The following SPON1 variants were observed in gnomAD, a reference collection of about 807,000 sequenced individuals.
SPON1 encodes the protein spondin-1.
A neutral mutation model predicts 111.7 loss-of-function variants in SPON1; 52 were observed. That is an observed-to-expected ratio of 0.47 (90% CI 0.37 to 0.59). The LOEUF is 0.59. Among genes scored for constraint, SPON1 ranks in the 20% least tolerant of loss-of-function variants. The pLI is 0.00. For synonymous variants in SPON1, 410 were observed against 395.8 expected (o/e 1.04, Z -0.43); for missense variants, 957 against 1,068.5 (o/e 0.90, Z 1.46).
intron 6 of SPON1, among the ~76,000 whole-genome samples, chr11:14,154,507 G>T (rs543481658): frequency 6.6e-6 from 1 of 152,306 alleles, no homozygotes; most frequent in East Asian, 1.9e-4. Flanking sequence ...CATGTCCCAG[G>T]GCTGCACAAG....
intron 5 of SPON1, among the ~76,000 whole-genome samples, chr11:14,111,819 C>T (rs1427866233): frequency 6.6e-6 from 1 of 152,102 alleles, no homozygotes; most frequent in African/African-American, 2.4e-5. Flanking sequence ...TTAGTACTTA[C>T]TTAAGCTATA....
intron 2 of SPON1, among the ~76,000 whole-genome samples, chr11:14,003,346 T>TCTC (rs1235979827): frequency 1.3e-5 from 2 of 152,194 alleles, no homozygotes; most frequent in Non-Finnish European, 2.9e-5. Flanking sequence ...CAGTGATCCC[T>TCTC]GCACCGAACA....
At chr11:14,085,983 T>C (rs1343416298) in intron 5 of SPON1, among the ~76,000 whole-genome samples, 1 of 152,204 alleles carries the variant, frequency 6.6e-6, no homozygotes, top group African/African-American at 2.4e-5. Context: ...GTTTGTGATT[T>C]TTGCACATTG....
chr11:14,092,841 A>G (rs1554923546), intron 5 of SPON1, among the ~76,000 whole-genome samples: 1 of 152,252 alleles, frequency 6.6e-6, no homozygotes, highest in African/African-American at 2.4e-5. Context: ...CAAAGAAGTT[A>G]CAGACTCAGA....
intron 5 of SPON1, among the ~76,000 whole-genome samples, chr11:14,101,376 G>T (rs1331773866): frequency 1.3e-5 from 2 of 151,602 alleles, no homozygotes; most frequent in Non-Finnish European, 1.5e-5. Context: ...CTCCAGCCTG[G>T]GTGACAGAGT....
intron 6 of SPON1, among the ~76,000 whole-genome samples, chr11:14,139,709 A>AATAT (rs57464043): frequency 1.0e-4 from 15 of 145,468 alleles, no homozygotes; most frequent in Non-Finnish European, 1.7e-4. Flanking sequence ...AAACATGTAA[A>AATAT]ATATATATAT....
chr11:13,964,712 C>T (rs1049441904), intron 1 of SPON1, among the ~76,000 whole-genome samples: 1 of 152,156 alleles, frequency 6.6e-6, no homozygotes, highest in African/African-American at 2.4e-5. Context: ...GGCTTGGCAC[C>T]GCGGCTAGAG....
intron 5 of SPON1, among the ~76,000 whole-genome samples, chr11:14,083,856 T>C (rs1848983230): frequency 6.6e-6 from 1 of 152,200 alleles, no homozygotes; most frequent in Non-Finnish European, 1.5e-5. Flanking sequence ...TTTTAGAAAA[T>C]GTAGGCCAAA....
chr11:14,257,606 G>C, intron 10 of SPON1, 110 bp from the exon 11 acceptor site: 1 of 1,046,482 alleles, frequency 9.6e-7, no homozygotes, highest in Non-Finnish European at 1.3e-6. Context: ...GCTCACTGAA[G>C]TCAGTCTGGC....
chr11:14,077,335 G>A (rs1313821248), intron 4 of SPON1, among the ~76,000 whole-genome samples: 1 of 152,058 alleles, frequency 6.6e-6, no homozygotes, highest in Non-Finnish European at 1.5e-5. Flanking sequence ...GTTTTAAAAA[G>A]CAAGATAAAC....
intron 2 of SPON1, among the ~76,000 whole-genome samples, chr11:14,032,511 C>T (rs1359932113): frequency 6.6e-6 from 1 of 152,214 alleles, no homozygotes; most frequent in South Asian, 2.1e-4. Context: ...GGAACCACAA[C>T]ATACCGAGGG....
intron 2 of SPON1, among the ~76,000 whole-genome samples, chr11:13,992,761 G>T (rs1848241165): frequency 6.6e-6 from 1 of 152,066 alleles, no homozygotes; most frequent in South Asian, 2.1e-4. Flanking sequence ...ATCTGTGCCG[G>T]AGTTCCTCAG....
chr11:14,077,141 T>G (rs924123072), intron 4 of SPON1, among the ~76,000 whole-genome samples: 12 of 152,164 alleles, frequency 7.9e-5, no homozygotes, highest in African/African-American at 2.9e-4. Flanking sequence ...GGATTGAGAC[T>G]TTGGGAAGTG....
chr11:13,985,525 G>A (rs1036985918), intron 2 of SPON1, among the ~76,000 whole-genome samples: 12 of 152,100 alleles, frequency 7.9e-5, no homozygotes, highest in Admixed American at 1.3e-4. Context: ...GTTCAAACCC[G>A]GGCAGTCTGT....
chr11:14,113,194 C>T (rs1355514274), intron 5 of SPON1, among the ~76,000 whole-genome samples: 1 of 152,160 alleles, frequency 6.6e-6, no homozygotes, highest in Admixed American at 6.5e-5. Flanking sequence ...AAGGAAATAA[C>T]CCTCTAATCA....
In SPON1 at chr11:14,142,222, A is replaced by G. The variant is rs139792498; in HGVS notation, c.825+6654A>G. On this transcript the variant is annotated intron_variant, in intron 6 of 15. Coordinates refer to ENST00000576479, the MANE Select transcript of SPON1 (RefSeq NM_006108.4). ...TTGCTGGATGTTAGCTATCATTACC[A>G]TGTTTTCATTCTTCAGCCTCTGTTT... 2.0e-4 allele frequency among the ~76,000 whole-genome samples: 30 copies of G among 152,292 alleles called. 1 individual carries two copies. Among genetic ancestry groups the G allele is most frequent in the African/African-American group, 7.0e-4 (29 of 41,556 alleles).
intron 6 of SPON1, among the ~76,000 whole-genome samples, chr11:14,188,019 G>A (rs1319268273): frequency 6.6e-6 from 1 of 152,006 alleles, no homozygotes; most frequent in Non-Finnish European, 1.5e-5. Context: ...AACCTCAGGT[G>A]GTCTGCCTGC....
intron 6 of SPON1, among the ~76,000 whole-genome samples, chr11:14,172,740 C>T (rs1327436201): frequency 6.6e-6 from 1 of 151,738 alleles, no homozygotes; most frequent in Admixed American, 6.6e-5. Flanking sequence ...TTTATTTCTC[C>T]TTCACTTATG....
intron 2 of SPON1, among the ~76,000 whole-genome samples, chr11:14,020,720 C>T (rs1201400326): frequency 2.0e-5 from 3 of 152,188 alleles, no homozygotes; most frequent in Non-Finnish European, 4.4e-5. Flanking sequence ...AATGGTAGTA[C>T]ATCTTGGCAG....
Sources: allele counts gnomAD v4.1 joint callset (sites outside exome capture counted in the v4.1 genomes callset), GRCh38; gene constraint gnomAD v4.1.1; transcripts MANE v1.5; gene names NCBI Gene and HGNC (gene_info 2026-07-23, HGNC 2026-07-21).